The following CNTNAP2 variants were observed in gnomAD, a reference collection of about 807,000 sequenced individuals.
The protein encoded by CNTNAP2 is contactin-associated protein-like 2.
A neutral mutation model predicts 155.2 loss-of-function variants in CNTNAP2; 98 were observed. That is an observed-to-expected ratio of 0.63 (90% confidence interval 0.54 to 0.75). The LOEUF (loss-of-function observed/expected upper bound fraction) is 0.75. CNTNAP2 is among the 30% of genes least tolerant of loss of function. The pLI is 0.00. For missense variants in CNTNAP2, 1,727 were observed against 1,688.1 expected, an observed-to-expected ratio of 1.02 and a Z score of -0.40; for synonymous variants, 651 against 631.2, an observed-to-expected ratio of 1.03 and a Z score of -0.47.
chr7:147,714,459 G>A (rs1796451731), intron 13 of CNTNAP2, among the ~76,000 whole-genome samples: 1 of 150,166 alleles, frequency 6.7e-6, no homozygotes, highest in Non-Finnish European at 1.5e-5. Flanking sequence ...TTCAGTTTTT[G>A]TTCAAAAAAA....
At chr7:146,802,374 T>G (rs1191792211) in intron 2 of CNTNAP2, among the ~76,000 whole-genome samples, 1 of 152,126 alleles carries the variant, frequency 6.6e-6, no homozygotes, top group Non-Finnish European at 1.5e-5. Flanking sequence ...GATTTCTGCT[T>G]TTGCTGGCAG....
intron 14 of CNTNAP2, among the ~76,000 whole-genome samples, chr7:147,948,516 G>GA (rs34748487): frequency 3.2e-3 from 450 of 139,548 alleles, no homozygotes; most frequent in African/African-American, 9.4e-3. Context: ...GCCATTCCAG[G>GA]AAAAAAAAAA....
At chr7:148,336,733 C>G (rs901086755) in intron 21 of CNTNAP2, among the ~76,000 whole-genome samples, 1 of 152,152 alleles carries the variant, frequency 6.6e-6, no homozygotes, top group Non-Finnish European at 1.5e-5. Context: ...ACATTTGAAA[C>G]TTACTGGTTT....
At chr7:147,079,977 A>T (rs762323676) in intron 4 of CNTNAP2, among the ~76,000 whole-genome samples, 53 of 149,680 alleles carry the variant, frequency 3.5e-4, no homozygotes, top group Non-Finnish European at 7.2e-4. Flanking sequence ...TAAGTAGTAG[A>T]ACCAGAATTC....
intron 1 of CNTNAP2, among the ~76,000 whole-genome samples, chr7:146,412,539 A>G (rs1286177970): frequency 6.6e-6 from 1 of 152,122 alleles, no homozygotes; most frequent in Non-Finnish European, 1.5e-5. Context: ...AATAATATCT[A>G]CTCAGGCCAT....
intron 8 of CNTNAP2, among the ~76,000 whole-genome samples, chr7:147,153,744 T>C (rs912050853): frequency 6.6e-6 from 1 of 152,160 alleles, no homozygotes; most frequent in Non-Finnish European, 1.5e-5. Flanking sequence ...TTCATGAAAC[T>C]GGAAGCAACT....
chr7:147,024,214 A>C lies in CNTNAP2; in HGVS notation c.403-19693A>C, dbSNP rs149744686. ...TGGATTTTCTCAAGCACATTCTGCT[A>C]ATTTGTATTACGTTTAAAGAGAAAA... On this transcript the variant is annotated intron_variant, in intron 3 of 23. Transcript: ENST00000361727. Among the ~76,000 whole-genome samples, 182 of 152,360 alleles carry C rather than the reference A, an allele frequency of 1.2e-3. 1 individual carries two copies. Among genetic ancestry groups the C allele is most frequent in the African/African-American group, 4.1e-3 (172 of 41,592 alleles).
chr7:147,656,023 C>T (rs1369771198), intron 13 of CNTNAP2, among the ~76,000 whole-genome samples: 1 of 152,234 alleles, frequency 6.6e-6, no homozygotes, highest in Non-Finnish European at 1.5e-5. Context: ...ACTTTGCACT[C>T]TCACATTACG....
At chr7:146,397,216 T>G (rs2129107495) in intron 1 of CNTNAP2, among the ~76,000 whole-genome samples, 1 of 152,330 alleles carries the variant, frequency 6.6e-6, no homozygotes, top group African/African-American at 2.4e-5. Flanking sequence ...ACATGTCTAC[T>G]TCCACATATA....
chr7:147,761,042 G>A (rs955000768), intron 13 of CNTNAP2, among the ~76,000 whole-genome samples: 2 of 151,994 alleles, frequency 1.3e-5, no homozygotes, highest in East Asian at 1.9e-4. Context: ...TATAGTATAT[G>A]GCTTAGATTA....
intron 15 of CNTNAP2, among the ~76,000 whole-genome samples, chr7:147,986,582 G>A (rs1056347952): frequency 1.3e-5 from 2 of 152,142 alleles, no homozygotes; most frequent in Non-Finnish European, 2.9e-5. Flanking sequence ...ACTGGCCCAA[G>A]GTCTCAGAGC....
intron 8 of CNTNAP2, among the ~76,000 whole-genome samples, chr7:147,254,415 A>C (rs1804273483): frequency 6.6e-6 from 1 of 152,218 alleles, no homozygotes; most frequent in Admixed American, 6.5e-5. Flanking sequence ...GTATAAAAAT[A>C]AAATTCTCTA....
intron 15 of CNTNAP2, among the ~76,000 whole-genome samples, chr7:148,027,520 G>C (rs1802396109): frequency 6.6e-6 from 1 of 152,164 alleles, no homozygotes; most frequent in African/African-American, 2.4e-5. Flanking sequence ...AGAGTTTATA[G>C]GATTCATCTG....
chr7:147,516,061 C>A (rs1167713657), intron 11 of CNTNAP2, among the ~76,000 whole-genome samples: 1 of 152,162 alleles, frequency 6.6e-6, no homozygotes, highest in Non-Finnish European at 1.5e-5. Context: ...TCTATTGCTG[C>A]TATTATAGCA....
chr7:146,678,887 C>T (rs904496342), intron 1 of CNTNAP2, among the ~76,000 whole-genome samples: 3 of 152,064 alleles, frequency 2.0e-5, no homozygotes, highest in Admixed American at 2.0e-4. Context: ...AATTTGTTTT[C>T]AGATCATAAA....
chr7:147,043,617 C>T (rs1799300804), intron 3 of CNTNAP2, among the ~76,000 whole-genome samples: 1 of 152,182 alleles, frequency 6.6e-6, no homozygotes, highest in Admixed American at 6.6e-5. Context: ...AATATTAGAA[C>T]TCATTTCAAT....
intron 12 of CNTNAP2, 100 bp downstream of exon 12, chr7:147,562,357 A>G: frequency 7.0e-7 from 1 of 1,427,990 alleles, no homozygotes; most frequent in East Asian, 2.3e-5. Flanking sequence ...TGTTTTTATC[A>G]CAACATCTAA....
intron 15 of CNTNAP2, among the ~76,000 whole-genome samples, chr7:148,075,116 C>T (rs1803459945): frequency 6.6e-6 from 1 of 152,088 alleles, no homozygotes; most frequent in South Asian, 2.1e-4. Flanking sequence ...AGTCCTATAG[C>T]TATTTGATTA....
chr7:146,329,740 G>C (rs923793593), intron 1 of CNTNAP2, among the ~76,000 whole-genome samples: 3 of 152,144 alleles, frequency 2.0e-5, no homozygotes, highest in Admixed American at 2.0e-4. Flanking sequence ...CGGTATTACT[G>C]CAACACTTTC....
Sources: gnomAD v4.1 joint callset for allele counts (sites outside exome capture counted in the v4.1 genomes callset) on GRCh38, gnomAD v4.1.1 for gene constraint, MANE v1.5 for transcripts, NCBI Gene and HGNC (gene_info 2026-07-23, HGNC 2026-07-21) for gene names.